Variants in DNAAF9 observed in about 807,000 individuals in gnomAD.
The protein encoded by DNAAF9 is shulin.
Under a neutral mutation model 167.0 loss-of-function variants are expected in DNAAF9, and 90 were observed. The observed-to-expected ratio is 0.54, with a 90% CI of 0.45 to 0.64. The LOEUF is 0.64. DNAAF9 is among the 30% of genes least tolerant of loss of function. The pLI is 0.00. For missense variants in DNAAF9, 1,315 were observed against 1,442.2 expected (o/e 0.91, Z 1.43); for synonymous variants, 491 against 508.8 (o/e 0.96, Z 0.47).
chr20:3,379,831 C>T (rs1017998072), intron 3 of DNAAF9, among the ~76,000 whole-genome samples: 9 of 151,754 alleles, frequency 5.9e-5, no homozygotes, highest in African/African-American at 1.9e-4. Context: ...GAGGCCAAGG[C>T]GGGATCACCT....
intron 11 of DNAAF9, among the ~76,000 whole-genome samples, chr20:3,331,523 C>T (rs938662976): frequency 6.6e-6 from 1 of 152,198 alleles, no homozygotes; most frequent in African/African-American, 2.4e-5. Flanking sequence ...AGGGCAGCCC[C>T]AGCAAGCCTA....
rs1236503767 is a variant in DNAAF9, at chr20:3,250,557, G to C, written c.*2015C>G. 6.6e-6 allele frequency: 1 copy of C among 152,234 alleles called. No homozygotes were observed. Among genetic ancestry groups the C allele is most frequent in the Non-Finnish European group, 1.5e-5 (1 of 68,058 alleles). The allele number at this position is 152,234 out of a possible 1,614,324, so 9.4% of individuals were successfully genotyped here. On this transcript the variant is annotated 3_prime_UTR_variant, in exon 37 of 37. Transcript: ENST00000252032. ...AATCACAGTTTTTTCTCTAAGAGGAGAGGAGTTGGGACAGTGGGGCAAGTT... is the reference window on the plus strand; with the variant it reads ...AATCACAGTTTTTTCTCTAAGAGGACAGGAGTTGGGACAGTGGGGCAAGTT...
At chr20:3,398,754 C>G (rs1380632219) in intron 1 of DNAAF9, among the ~76,000 whole-genome samples, 1 of 152,140 alleles carries the variant, frequency 6.6e-6, no homozygotes, top group Non-Finnish European at 1.5e-5. Context: ...AAAAAGAGCT[C>G]ATTGCAGGAC....
chr20:3,353,437 G>A (rs562483560), intron 7 of DNAAF9, among the ~76,000 whole-genome samples: 1 of 152,188 alleles, frequency 6.6e-6, no homozygotes, highest in East Asian at 1.9e-4. Flanking sequence ...ACCAGCCCGG[G>A]CAACACAGCA....
At chr20:3,389,320 ATTTTTTT>A (rs372837132) in intron 1 of DNAAF9, among the ~76,000 whole-genome samples, 6,532 of 138,756 alleles carry the variant, frequency 0.047, 204 homozygotes, top group African/African-American at 0.097. Flanking sequence ...TAATTTTTCT[ATTTTTTT>A]TTTTTGTAGA....
intron 20 of DNAAF9, among the ~76,000 whole-genome samples, chr20:3,313,911 G>A (rs928882855): frequency 6.6e-6 from 1 of 152,194 alleles, no homozygotes; most frequent in African/African-American, 2.4e-5. Flanking sequence ...AGGCAGAGCT[G>A]AGAGCCAGAA....
intron 20 of DNAAF9, among the ~76,000 whole-genome samples, 186 bp from the exon 21 acceptor site, chr20:3,304,729 T>A (rs1368817901): frequency 6.6e-6 from 1 of 152,128 alleles, no homozygotes; most frequent in African/African-American, 2.4e-5. Context: ...CAGAGGGAAA[T>A]GAGGCATCAG....
chr20:3,262,411 C>T (rs1371220295), intron 31 of DNAAF9, among the ~76,000 whole-genome samples: 8 of 151,954 alleles, frequency 5.3e-5, no homozygotes, highest in East Asian at 1.9e-4. Flanking sequence ...CCACCATGCC[C>T]GGCTAACTTT....
At chr20:3,319,444 G>A (rs80324543) in intron 16 of DNAAF9, among the ~76,000 whole-genome samples, 6,727 of 152,120 alleles carry the variant, frequency 0.044, 224 homozygotes, top group African/African-American at 0.094. Context: ...AAACAATTCC[G>A]GGAAGAAGCC....
chr20:3,330,818 GT>G (rs1181359484), intron 11 of DNAAF9, 136 bp from the exon 12 acceptor site: 1 of 560,436 alleles, frequency 1.8e-6, no homozygotes, highest in Non-Finnish European at 3.2e-6. Context: ...TTGAGACACA[GT>G]TTAGCTTTGT....
intron 20 of DNAAF9, among the ~76,000 whole-genome samples, chr20:3,305,236 T>C (rs1047887478): frequency 6.6e-6 from 1 of 152,182 alleles, no homozygotes; most frequent in African/African-American, 2.4e-5. Context: ...ATGGAAAAGA[T>C]GGACAACTAA....
intron 6 of DNAAF9, among the ~76,000 whole-genome samples, chr20:3,360,482 TTAA>T (rs1400474307): frequency 4.6e-5 from 7 of 152,214 alleles, no homozygotes; most frequent in African/African-American, 9.6e-5. Flanking sequence ...TTTTAGTTTA[TTAA>T]TAATAACTTT....
rs752729814 is a variant in DNAAF9, at chr20:3,374,147, C to T, written c.513G>A (p.Leu171=). The part of the protein sequence containing the change: ...IGIPYSSQGH[L]QIFDMFVVEK... Reference sequence around the variant, plus strand: ...CCACCACAAACATATCAAATATCTGCAAGTGACCTAGAAGAATCAAATACA... The same window carrying T: ...CCACCACAAACATATCAAATATCTGTAAGTGACCTAGAAGAATCAAATACA... Residue 171 remains leucine, a synonymous_variant, in exon 6 of 37, where the codon TTG becomes TTA. Transcript: ENST00000252032. 10 of 1,605,864 alleles carry T rather than the reference C, an allele frequency of 6.2e-6. No homozygotes were observed. Among genetic ancestry groups the T allele is most frequent in the Non-Finnish European group, 8.5e-6 (10 of 1,172,518 alleles).
chr20:3,373,424 C>T (rs1170340341), intron 6 of DNAAF9, among the ~76,000 whole-genome samples: 1 of 152,220 alleles, frequency 6.6e-6, no homozygotes, highest in Non-Finnish European at 1.5e-5. Context: ...TTTCCTTAAT[C>T]TGTACTCTGG....
chr20:3,350,148 G>GACACACACACACACACACACACACACAC (rs1324124710), intron 7 of DNAAF9, among the ~76,000 whole-genome samples: 4 of 68,936 alleles, frequency 5.8e-5, no homozygotes, highest in Non-Finnish European at 1.0e-4. Flanking sequence ...CAGACACACA[G>GACACACACACACACACACACACACACAC]ACACACAGAC....
At chr20:3,360,211 T>C (rs1307030939) in intron 6 of DNAAF9, 1 of 152,238 alleles carries the variant, frequency 6.6e-6, no homozygotes, top group African/African-American at 2.4e-5. Flanking sequence ...GGTATTTACC[T>C]CCAGTTTTGA....
intron 1 of DNAAF9, among the ~76,000 whole-genome samples, chr20:3,400,970 C>G (rs555427071): frequency 6.6e-5 from 10 of 152,314 alleles, no homozygotes; most frequent in African/African-American, 2.4e-4. Flanking sequence ...TCCAAGTAAA[C>G]TGGAGGCTGA....
intron 25 of DNAAF9, among the ~76,000 whole-genome samples, chr20:3,291,928 T>A (rs1026933458): frequency 1.3e-5 from 2 of 151,984 alleles, no homozygotes; most frequent in Admixed American, 6.6e-5. Flanking sequence ...AGTGCCCAGG[T>A]CTCAGCCCCT....
intron 10 of DNAAF9, among the ~76,000 whole-genome samples, chr20:3,337,048 T>G (rs2069971032): frequency 6.6e-6 from 1 of 150,938 alleles, no homozygotes; most frequent in Non-Finnish European, 1.5e-5. Context: ...CCCAGCTAAT[T>G]TTTTCTATTT....
Sources: gnomAD v4.1 joint callset for allele counts (sites outside exome capture counted in the v4.1 genomes callset) on GRCh38, gnomAD v4.1.1 for gene constraint, MANE v1.5 for transcripts, NCBI Gene and HGNC (gene_info 2026-07-23, HGNC 2026-07-21) for gene names.